CDC42: variants seen among roughly 807,000 people sequenced by gnomAD.
CDC42 encodes cell division control protein 42 homolog.
CDC42 carries 1 observed loss-of-function variant against 20.8 expected under a neutral mutation model. The observed-to-expected ratio is 0.05, with a 90% CI of 0.02 to 0.23. The LOEUF is 0.23. Ranked by LOEUF, CDC42 falls within the 10% of genes least tolerant of loss-of-function variation. CDC42 has a pLI of 1.00. For synonymous variants in CDC42, 72 were observed against 84.8 expected, an observed-to-expected ratio of 0.85 and a Z score of 0.83; for missense variants, 49 against 227.9, an observed-to-expected ratio of 0.21 and a Z score of 5.05.
At chr1:22,061,299 T>G (rs1479596801) in intron 1 of CDC42, among the ~76,000 whole-genome samples, 1 of 151,414 alleles carries the variant, frequency 6.6e-6, no homozygotes, top group Non-Finnish European at 1.5e-5. Flanking sequence ...TCCCAGCTAC[T>G]CAGGAGGCTG....
At chr1:22,054,855 C>T (rs1256835659) in intron 1 of CDC42, among the ~76,000 whole-genome samples, 3 of 118,438 alleles carry the variant, frequency 2.5e-5, no homozygotes, top group African/African-American at 9.7e-5. Context: ...CAATTTGTAT[C>T]TTTCCTTTTA....
chr1:22,070,057 G>C lies in CDC42; in HGVS notation c.-50-8372G>C, dbSNP rs141283455. On this transcript the variant is annotated intron_variant, in intron 1 of 5. Transcript: ENST00000656825. ...CCTTCCTTGGCTTCTCAAAGTGCTG[G>C]GATTGTAGGCTTGAGCCACTGTGCC... is the stretch of plus-strand genomic sequence containing the variant. Among the ~76,000 whole-genome samples the C allele has an allele frequency of 5.3e-5, 8 of 152,260 alleles. No individual in the cohort carries two copies. The East Asian group carries it at 1.5e-3, about 29-fold the overall frequency.
At chr1:22,086,162 A>G (rs757740283) in intron 3 of CDC42, among the ~76,000 whole-genome samples, 16 of 152,124 alleles carry the variant, frequency 1.1e-4, no homozygotes, top group Non-Finnish European at 1.2e-4. Flanking sequence ...AGAGTTTATT[A>G]TTACATTTAT....
At position 22,091,704 on chromosome 1, in the gene CDC42, CTAGT is replaced by C. The variant is rs1645717005; in HGVS notation, c.*190_*193del. 1 of 334,008 alleles carries C rather than the reference CTAGT, an allele frequency of 3.0e-6. No individual in the cohort carries two copies. The highest frequency in any genetic ancestry group is 2.2e-5 in the African/African-American group (1 of 45,252). 20.7% of individuals were successfully genotyped at this position (334,008 alleles called of 1,614,324 possible). On this transcript the variant is annotated 3_prime_UTR_variant, in exon 6 of 6. Coordinates refer to ENST00000656825, the MANE Select transcript of CDC42 (RefSeq NM_001791.4). ...GGCCCCCCCCTTCCCCCTCCCAGTA[CTAGT>C]TAATTTTGAGTAATTGTATTGTCAG... is the stretch of plus-strand genomic sequence containing the variant.
intron 1 of CDC42, among the ~76,000 whole-genome samples, chr1:22,066,368 C>T (rs1461138548): frequency 1.3e-5 from 2 of 151,184 alleles, no homozygotes; most frequent in Non-Finnish European, 2.9e-5. Context: ...GAGTGATACC[C>T]TGTCTCCAAA....
chr1:22,089,832 C>A, intron 5 of CDC42: 2 of 1,048,568 alleles, frequency 1.9e-6, no homozygotes, highest in Non-Finnish European at 2.7e-6. Context: ...TTTCTTAAGG[C>A]ACATTGCTTC....
chr1:22,068,874 T>A (rs1283371844), intron 1 of CDC42: 2 of 152,236 alleles, frequency 1.3e-5, no homozygotes, highest in Non-Finnish European at 2.9e-5. Context: ...TGTTTCTTAG[T>A]TAAGAGACTA....
rs1645719898 is a variant in CDC42, at chr1:22,091,799, T to TTTG, written c.*284_*285insGTT. On this transcript the variant is annotated 3_prime_UTR_variant, in exon 6 of 6. Coordinates refer to ENST00000656825, the MANE Select transcript of CDC42 (RefSeq NM_001791.4). The stretch of plus-strand genomic sequence containing the variant: ...AAAATTTTTGTGTGTGTGTGTTTTT[T>TTTG]TTTTTTTTTTTTTTGTTGTTTAAAA... 4.9e-6 allele frequency: 1 copy of TTTG among 203,678 alleles called. No homozygotes were observed. The highest frequency in any genetic ancestry group is 9.4e-6 in the Non-Finnish European group (1 of 106,252). 12.6% of individuals were successfully genotyped at this position (203,678 alleles called of 1,614,324 possible).
At chr1:22,075,325 A>G (rs773194147) in intron 1 of CDC42, among the ~76,000 whole-genome samples, 40 of 152,156 alleles carry the variant, frequency 2.6e-4, no homozygotes, top group Non-Finnish European at 1.3e-4. Context: ...TGGTAACTCT[A>G]CATTTGACTA....
intron 3 of CDC42, among the ~76,000 whole-genome samples, chr1:22,085,230 TAA>T: frequency 1.1e-4 from 2 of 17,492 alleles, no homozygotes; most frequent in Admixed American, 1.3e-3. Context: ...AGACTCTGTC[TAA>T]AAAAAAAAAA....
chr1:22,090,152 C>T, intron 5 of CDC42: 1 of 1,406,892 alleles, frequency 7.1e-7, no homozygotes, highest in East Asian at 2.6e-5. Context: ...TTACTCACCA[C>T]CTTAGAGCAA....
chr1:22,061,962 G>A (rs928904998), intron 1 of CDC42, among the ~76,000 whole-genome samples: 1 of 151,294 alleles, frequency 6.6e-6, no homozygotes, highest in Non-Finnish European at 1.5e-5. Flanking sequence ...TTTGGAGAAC[G>A]GATTCTTACT....
rs1465966710 is a variant in CDC42 at position 22,054,949 on chromosome 1, T to A, written c.-51+2207T>A. ...TTTTTTTTTTTTTTTTTTTTTTTTT[T>A]TTTTTTTTTTTTTTTTTTTTTTGAG... On this transcript the variant is annotated intron_variant, in intron 1 of 5. Transcript: ENST00000656825. Among the ~76,000 whole-genome samples, 54 of 50,766 alleles carry A rather than the reference T, an allele frequency of 1.1e-3. 3 individuals are homozygous for A. Among genetic ancestry groups the A allele is most frequent in the East Asian group, 2.1e-3 (3 of 1,456 alleles). The allele number at this position is 50,766 out of a possible 152,430, so 33.3% of individuals were successfully genotyped here.
At chr1:22,078,361 G>T in intron 1 of CDC42, 68 bp from the exon 2 acceptor site, 1 of 696,444 alleles carries the variant, frequency 1.4e-6, no homozygotes, top group East Asian at 2.8e-5. Flanking sequence ...GCCTGAACCT[G>T]TTGCTAAGTG....
In CDC42 at chr1:22,098,601, A is replaced by C. The variant is rs1022857829; in HGVS notation, c.*7084A>C. On this transcript the variant is annotated 3_prime_UTR_variant, in exon 6 of 6. Transcript: ENST00000656825. Reference sequence around the variant, plus strand: ...TGAAATAGGATCTGAGCACCATTTAAATTTTTATAAATTATTTTTTAGAGG... The same window carrying C: ...TGAAATAGGATCTGAGCACCATTTACATTTTTATAAATTATTTTTTAGAGG... Among the ~76,000 whole-genome samples, 1 of 152,210 alleles carries C rather than the reference A, an allele frequency of 6.6e-6. No individual in the cohort carries two copies. The highest frequency in any genetic ancestry group is 1.5e-5 in the Non-Finnish European group (1 of 68,028).
chr1:22,078,312 A>G (rs930647567), intron 1 of CDC42, 117 bp from the exon 2 acceptor site: 18 of 517,974 alleles, frequency 3.5e-5, no homozygotes, highest in Middle Eastern at 5.2e-4. Context: ...GGGTTCTTTT[A>G]GCCATAATAA....
chr1:22,056,408 C>G (rs1241086777), intron 1 of CDC42, among the ~76,000 whole-genome samples: 3 of 152,196 alleles, frequency 2.0e-5, no homozygotes, highest in Non-Finnish European at 4.4e-5. Flanking sequence ...GTGATGACTA[C>G]TAGTTCTCTT....
intron 1 of CDC42, among the ~76,000 whole-genome samples, chr1:22,055,345 A>G (rs894544350): frequency 6.6e-6 from 1 of 152,052 alleles, no homozygotes; most frequent in African/African-American, 2.4e-5. Flanking sequence ...CTTCAAGACC[A>G]GAAAGGTATC....
At chr1:22,074,915 A>G in intron 1 of CDC42, among the ~76,000 whole-genome samples, 1 of 152,252 alleles carries the variant, frequency 6.6e-6, no homozygotes, top group Non-Finnish European at 1.5e-5. Context: ...CTTGTAAGGC[A>G]GGGACAGGGA....
Sources: gnomAD v4.1 joint callset for allele counts (sites outside exome capture counted in the v4.1 genomes callset) on GRCh38, gnomAD v4.1.1 for gene constraint, MANE v1.5 for transcripts, NCBI Gene and HGNC (gene_info 2026-07-23, HGNC 2026-07-21) for gene names.